The following NCKAP5 variants were observed in gnomAD, a reference collection of about 807,000 sequenced individuals.
NCKAP5 encodes the protein nck-associated protein 5.
A neutral mutation model predicts 167.0 loss-of-function variants in NCKAP5; 92 were observed. The observed-to-expected ratio is 0.55, with a 90% CI of 0.47 to 0.66. The LOEUF (loss-of-function observed/expected upper bound fraction) is 0.66. Ranked by LOEUF, NCKAP5 falls within the 30% of genes least tolerant of loss-of-function variation. NCKAP5 has a pLI of 0.00. For missense variants in NCKAP5, 2,378 were observed against 2,315.0 expected, an observed-to-expected ratio of 1.03 and a Z score of -0.56; for synonymous variants, 891 against 877.4, an observed-to-expected ratio of 1.02 and a Z score of -0.27.
chr2:133,183,175 T>C (rs2084805347), intron 5 of NCKAP5, among the ~76,000 whole-genome samples: 1 of 151,416 alleles, frequency 6.6e-6, no homozygotes, highest in African/African-American at 2.4e-5. Context: ...TAGAGAAATC[T>C]ACAAAATGCT....
chr2:133,344,835 G>A (rs544615073), intron 3 of NCKAP5, among the ~76,000 whole-genome samples: 3 of 152,174 alleles, frequency 2.0e-5, no homozygotes, highest in African/African-American at 7.2e-5. Context: ...CAAAAGCTCT[G>A]TTTGGGTCAT....
At chr2:133,023,373 TTC>T (rs2149398285) in intron 6 of NCKAP5, among the ~76,000 whole-genome samples, 1 of 152,368 alleles carries the variant, frequency 6.6e-6, no homozygotes, top group South Asian at 2.1e-4. Context: ...TATTATAATG[TTC>T]TTACATTTCT....
At chr2:132,878,681 CCACA>C (rs750009638) in intron 9 of NCKAP5, among the ~76,000 whole-genome samples, 163 bp downstream of exon 9, 2 of 150,410 alleles carry the variant, frequency 1.3e-5, no homozygotes, top group African/African-American at 4.9e-5. Flanking sequence ...CACACACCGC[CCACA>C]CACACACACT....
At chr2:132,687,265 C>G (rs898711979) in intron 19 of NCKAP5, among the ~76,000 whole-genome samples, 2 of 152,262 alleles carry the variant, frequency 1.3e-5, no homozygotes, top group Admixed American at 1.3e-4. Context: ...AGATCTTTAG[C>G]CTGGCCTGTG....
chr2:133,583,492 C>A, the NCKAP5 span, among the ~76,000 whole-genome samples: 1 of 152,152 alleles, frequency 6.6e-6, no homozygotes, highest in African/African-American at 2.4e-5. Flanking sequence ...CCCTGCACTG[C>A]TGTAAGCCAA....
intron 3 of NCKAP5, among the ~76,000 whole-genome samples, chr2:133,451,530 C>T (rs1016454646): frequency 6.6e-6 from 1 of 152,198 alleles, no homozygotes; most frequent in Non-Finnish European, 1.5e-5. Context: ...CCACACACGG[C>T]CATGCAACAA....
chr2:132,949,431 A>C (rs1224098990), intron 8 of NCKAP5, among the ~76,000 whole-genome samples: 1 of 152,096 alleles, frequency 6.6e-6, no homozygotes, highest in Non-Finnish European at 1.5e-5. Flanking sequence ...GAGCCTGCTG[A>C]AATCATTCAA....
intron 3 of NCKAP5, among the ~76,000 whole-genome samples, chr2:133,429,314 T>C (rs970311882): frequency 5.3e-5 from 8 of 152,136 alleles, no homozygotes; most frequent in African/African-American, 1.9e-4. Context: ...TTTCCATTTT[T>C]ATTTTGGATT....
At chr2:133,425,156 C>T (rs61149689) in intron 3 of NCKAP5, among the ~76,000 whole-genome samples, 3,258 of 152,318 alleles carry the variant, frequency 0.021, 99 homozygotes, top group African/African-American at 0.073. Flanking sequence ...CTGTTCCAAA[C>T]ATCTCCCTGG....
At chr2:133,270,231 A>T (rs780070073) in intron 4 of NCKAP5, among the ~76,000 whole-genome samples, 1 of 151,904 alleles carries the variant, frequency 6.6e-6, no homozygotes, top group African/African-American at 2.4e-5. Flanking sequence ...TTGTGGTGGT[A>T]GTTGCAAAAC....
intron 8 of NCKAP5, among the ~76,000 whole-genome samples, chr2:132,935,454 C>A (rs1404021027): frequency 6.6e-6 from 1 of 152,094 alleles, no homozygotes; most frequent in African/African-American, 2.4e-5. Context: ...GAGCTGATTT[C>A]TGAAAGGAAA....
chr2:133,462,152 C>T (rs1305710697), intron 3 of NCKAP5, among the ~76,000 whole-genome samples: 2 of 152,172 alleles, frequency 1.3e-5, no homozygotes, highest in Non-Finnish European at 2.9e-5. Flanking sequence ...CTGCTTGGGC[C>T]TTATAGGCAA....
At chr2:132,837,902 A>G (rs1281659866) in intron 11 of NCKAP5, among the ~76,000 whole-genome samples, 1 of 152,112 alleles carries the variant, frequency 6.6e-6, no homozygotes, top group Non-Finnish European at 1.5e-5. Context: ...ACAGGCTGAG[A>G]GCAGGGTGGT....
At position 133,470,200 on chromosome 2, in the gene NCKAP5, CCTTT is replaced by C. The variant is rs755884222; in HGVS notation, c.69+47254_69+47257del. Among the ~76,000 whole-genome samples the C allele has an allele frequency of 1.2e-3, 178 of 152,242 alleles. No homozygotes were observed. In the East Asian group the frequency reaches 0.016, roughly 13 times the overall value. ...ACAGATGGGTTTTCGATGTGGATGT[CCTTT>C]CTGTTTGTTAGTTTTCCTTCTAACA... On this transcript the variant is annotated intron_variant, in intron 3 of 19. Transcript: ENST00000409261.
At chr2:132,847,656 A>G (rs1436139854) in intron 11 of NCKAP5, among the ~76,000 whole-genome samples, 1 of 151,746 alleles carries the variant, frequency 6.6e-6, no homozygotes, top group Non-Finnish European at 1.5e-5. Flanking sequence ...CTTACTGAAC[A>G]TTTTCCGTGA....
At chr2:132,715,610 G>T (rs192428728) in intron 19 of NCKAP5, among the ~76,000 whole-genome samples, 1 of 152,184 alleles carries the variant, frequency 6.6e-6, no homozygotes, top group Non-Finnish European at 1.5e-5. Context: ...AGACAGAGCC[G>T]AAATACTAAT....
At chr2:133,142,149 G>C (rs1025157487) in intron 5 of NCKAP5, among the ~76,000 whole-genome samples, 1 of 152,042 alleles carries the variant, frequency 6.6e-6, no homozygotes, top group Non-Finnish European at 1.5e-5. Context: ...TCTACAGAAG[G>C]GGAAAACATA....
rs533975806 is a variant in NCKAP5, at chr2:133,568,215, C to T, written c.-130+1G>A. 1 of 152,308 alleles carries T rather than the reference C, an allele frequency of 6.6e-6. No individual in the cohort carries two copies. The highest frequency in any genetic ancestry group is 2.1e-4 in the South Asian group (1 of 4,826). 9.4% of individuals were successfully genotyped at this position (152,308 alleles called of 1,614,324 possible). ...TAAAAAAAAAATCCCAACAGTCTTA[C>T]TTGTAGTTAGCTCTTCAGTCAACAC... On this transcript the variant is annotated splice_donor_variant, in intron 1 of 19. Transcript: ENST00000409261. LOFTEE classifies it low-confidence loss of function (5UTR_SPLICE).
the NCKAP5 span, among the ~76,000 whole-genome samples, chr2:133,619,892 T>G: frequency 6.6e-6 from 1 of 152,130 alleles, no homozygotes; most frequent in Admixed American, 6.6e-5. Context: ...CCTATCATAT[T>G]AACAGCAGAT....
Sources: gnomAD v4.1 joint callset for allele counts (sites outside exome capture counted in the v4.1 genomes callset) on GRCh38, gnomAD v4.1.1 for gene constraint, MANE v1.5 for transcripts, NCBI Gene and HGNC (gene_info 2026-07-23, HGNC 2026-07-21) for gene names.